The following EML5 variants were observed in gnomAD, a reference collection of about 807,000 sequenced individuals.
EML5 encodes the protein echinoderm microtubule-associated protein-like 5.
Under a neutral mutation model 250.0 loss-of-function variants are expected in EML5, and 120 were observed. That is an observed-to-expected ratio of 0.48 (90% CI 0.41 to 0.56). The LOEUF is 0.56. Among genes scored for constraint, EML5 ranks in the 20% least tolerant of loss-of-function variants. EML5 has a pLI of 0.00. For missense variants in EML5, 2,006 were observed against 2,437.6 expected (o/e 0.82, Z 3.73); for synonymous variants, 771 against 806.5 (o/e 0.96, Z 0.75).
intron 14 of EML5, among the ~76,000 whole-genome samples, chr14:88,698,378 T>C (rs1347538519): frequency 6.6e-6 from 1 of 151,430 alleles, no homozygotes; most frequent in Non-Finnish European, 1.5e-5. Context: ...TGATCCTCCT[T>C]GTCTCAACTT....
chr14:88,710,215 AG>A (rs2093381871), intron 10 of EML5, among the ~76,000 whole-genome samples: 2 of 152,106 alleles, frequency 1.3e-5, no homozygotes, highest in Admixed American at 6.5e-5. Flanking sequence ...AAATATGAAG[AG>A]GGGTGGAATG....
chr14:88,764,459 T>C (rs61983303), intron 1 of EML5, among the ~76,000 whole-genome samples: 36,946 of 152,144 alleles, frequency 0.24, 4,651 homozygotes, highest in East Asian at 0.37. Flanking sequence ...AGTGATATCC[T>C]GATGAATACT....
Position 88,614,386 on chromosome 14 carries a change from A to G in EML5, c.*1432T>C, listed in dbSNP as rs1276388312. On this transcript the variant is annotated 3_prime_UTR_variant, in exon 44 of 44. Transcript: ENST00000554922. ...CACAGCTATTTAGAGCTTTAAAACT[A>G]CCAGGTTCAATCACTGGTTATGCTT... is the stretch of plus-strand genomic sequence containing the variant. 2 of 152,206 alleles carry G rather than the reference A, an allele frequency of 1.3e-5. No homozygotes were observed. Among genetic ancestry groups the G allele is most frequent in the Admixed American group, 6.5e-5 (1 of 15,280 alleles). The allele number at this position is 152,206 out of a possible 1,614,324, so 9.4% of individuals were successfully genotyped here. A position where few individuals can be genotyped will look rare whatever the true frequency, so the allele number is the denominator to read the frequency against.
intron 27 of EML5, among the ~76,000 whole-genome samples, chr14:88,654,773 A>G (rs1428258585): frequency 1.3e-5 from 2 of 152,166 alleles, no homozygotes; most frequent in Non-Finnish European, 2.9e-5. Flanking sequence ...TGGGGTGGAC[A>G]GTTCTGTAGA....
chr14:88,713,452 T>C (rs1019669009), intron 9 of EML5, among the ~76,000 whole-genome samples: 3 of 152,044 alleles, frequency 2.0e-5, no homozygotes, highest in African/African-American at 7.2e-5. Flanking sequence ...CATCCATTCA[T>C]GCACTCACTC....
In EML5 at chr14:88,627,835, A is replaced by C; in HGVS notation, c.4358-16T>G. The stretch of plus-strand genomic sequence containing the variant: ...GGAGCTGTAGCTAAATAAAGATAGT[A>C]TCAAAAAGTTGTAATCTACCTGTTA... On this transcript the variant is annotated splice_polypyrimidine_tract_variant and intron_variant, in intron 33 of 43. Coordinates refer to ENST00000554922, the MANE Select transcript of EML5 (RefSeq NM_183387.3). The C allele has an allele frequency of 6.4e-7, 1 of 1,558,368 alleles. No homozygotes were observed. The highest frequency in any genetic ancestry group is 8.7e-7 in the Non-Finnish European group (1 of 1,155,010).
At chr14:88,639,745 TA>T (rs1206787185) in intron 31 of EML5, among the ~76,000 whole-genome samples, 3 of 151,996 alleles carry the variant, frequency 2.0e-5, no homozygotes, top group Admixed American at 6.6e-5. Flanking sequence ...CCCAGCTATA[TA>T]TTTTTTGTAT....
At chr14:88,763,290 C>T (rs964031302) in intron 1 of EML5, among the ~76,000 whole-genome samples, 3 of 149,660 alleles carry the variant, frequency 2.0e-5, no homozygotes, top group Non-Finnish European at 4.5e-5. Context: ...AGAGAAGAAT[C>T]AAATAGACAC....
intron 6 of EML5, among the ~76,000 whole-genome samples, chr14:88,737,404 G>A (rs1384452029): frequency 6.6e-6 from 1 of 152,186 alleles, no homozygotes; most frequent in Non-Finnish European, 1.5e-5. Flanking sequence ...GCTGAGCATG[G>A]ATCCTGCAGC....
chr14:88,628,554 T>A (rs2090196835), intron 33 of EML5, among the ~76,000 whole-genome samples: 1 of 152,074 alleles, frequency 6.6e-6, no homozygotes, highest in Non-Finnish European at 1.5e-5. Flanking sequence ...TAAAAATGGA[T>A]AGGTCAATTC....
At chr14:88,702,713 AC>A (rs1170718212) in intron 13 of EML5, 81 bp from the exon 14 acceptor site, 1 of 993,940 alleles carries the variant, frequency 1.0e-6, no homozygotes, top group Non-Finnish European at 1.4e-6. Flanking sequence ...AGAAGTAGGT[AC>A]CCTTTGGGTG....
intron 4 of EML5, 43 bp downstream of exon 4, chr14:88,743,980 G>T: frequency 7.4e-7 from 1 of 1,348,334 alleles, no homozygotes; most frequent in Non-Finnish European, 1.0e-6. Flanking sequence ...CTTAGCAGCA[G>T]AGAACTAAAC....
intron 1 of EML5, among the ~76,000 whole-genome samples, chr14:88,780,948 A>G (rs2094492262): frequency 6.6e-6 from 1 of 152,160 alleles, no homozygotes; most frequent in Non-Finnish European, 1.5e-5. Context: ...TCTATAAAAT[A>G]CCTTCACAGC....
chr14:88,681,532 T>G (rs2092712983), intron 21 of EML5, among the ~76,000 whole-genome samples: 1 of 152,212 alleles, frequency 6.6e-6, no homozygotes. Context: ...AGTTTTTAGT[T>G]CTTTTTTGAA....
chr14:88,746,817 A>C (rs2140305178), intron 2 of EML5, among the ~76,000 whole-genome samples: 1 of 152,314 alleles, frequency 6.6e-6, no homozygotes, highest in East Asian at 1.9e-4. Context: ...CCTCTCGGAA[A>C]CAACAAATAA....
chr14:88,634,517 T>C, intron 32 of EML5, 28 bp from the exon 33 acceptor site: 1 of 1,363,508 alleles, frequency 7.3e-7, no homozygotes, highest in Non-Finnish European at 9.9e-7. Flanking sequence ...TATCTATAAA[T>C]AACATAAATC....
intron 21 of EML5, among the ~76,000 whole-genome samples, chr14:88,680,656 T>C (rs977659569): frequency 6.6e-6 from 1 of 152,130 alleles, no homozygotes; most frequent in Non-Finnish European, 1.5e-5. Context: ...GGTTCCAAAA[T>C]ACTCATAGTG....
intron 4 of EML5, among the ~76,000 whole-genome samples, chr14:88,742,641 TAATA>T (rs1330593448): frequency 6.6e-6 from 1 of 152,146 alleles, no homozygotes; most frequent in Non-Finnish European, 1.5e-5. Context: ...ATTAAGCACT[TAATA>T]TATATCAAGT....
chr14:88,775,826 C>A (rs1371146306), intron 1 of EML5, among the ~76,000 whole-genome samples: 1 of 152,188 alleles, frequency 6.6e-6, no homozygotes, highest in African/African-American at 2.4e-5. Flanking sequence ...GTGCTGTCTT[C>A]AGGTCTGACC....
Sources: gnomAD v4.1 joint callset for allele counts (sites outside exome capture counted in the v4.1 genomes callset) on GRCh38, gnomAD v4.1.1 for gene constraint, MANE v1.5 for transcripts, NCBI Gene and HGNC (gene_info 2026-07-23, HGNC 2026-07-21) for gene names.